TRIM66: variants seen among roughly 807,000 people sequenced by gnomAD.
The protein encoded by TRIM66 is tripartite motif-containing protein 66.
TRIM66 carries 99 observed loss-of-function variants against 148.2 expected under a neutral mutation model. The observed-to-expected ratio is 0.67, with a 90% CI of 0.57 to 0.79. TRIM66 has a LOEUF of 0.79. Among genes scored for constraint, TRIM66 ranks in the 30% least tolerant of loss-of-function variants. The pLI, the probability that TRIM66 is intolerant of heterozygous loss-of-function variation, is 0.00. For synonymous variants in TRIM66, 616 were observed against 635.9 expected, an observed-to-expected ratio of 0.97 and a Z score of 0.47; for missense variants, 1,666 against 1,697.9, an observed-to-expected ratio of 0.98 and a Z score of 0.33.
chr11:8,624,709 T>C lies in TRIM66; in HGVS notation c.2826+4A>G, dbSNP rs1197726464. The C allele has an allele frequency of 6.7e-7, 1 of 1,500,848 alleles. No individual in the cohort carries two copies. The allele number at this position is 1,500,848 out of a possible 1,614,324, so 93.0% of individuals were successfully genotyped here. On this transcript the variant is annotated splice_donor_region_variant and intron_variant, in intron 16 of 24. Coordinates refer to ENST00000646038, the MANE Select transcript of TRIM66 (RefSeq NM_001388022.1). ...AGTTTGGATAGCATTTCCCCAGGAC[T>C]TACCTTACACAGAGCATTCTCCAGG...
At position 8,623,974 on chromosome 11, in the gene TRIM66, G is replaced by T. The variant is rs186485918; in HGVS notation, c.3019+385C>A. 5.3e-5 allele frequency among the ~76,000 whole-genome samples: 8 copies of T among 152,290 alleles called. No homozygotes were observed. The East Asian group carries it at 1.2e-3, about 22-fold the overall frequency. On this transcript the variant is annotated intron_variant, in intron 17 of 24. Transcript: ENST00000646038. ...TTAGGTATCTTACCCGGGATCACAG[G>T]GAGAGAGAACTGGTTTACCAAATTC...
intron 1 of TRIM66, among the ~76,000 whole-genome samples, chr11:8,682,130 TAAGTCCCTG>T (rs2039463172): frequency 6.6e-6 from 1 of 152,214 alleles, no homozygotes; most frequent in East Asian, 1.9e-4. Flanking sequence ...ACCAGGCATC[TAAGTCCCTG>T]AAGCAATTTA....
chr11:8,675,163 C>A (rs1050114604), intron 3 of TRIM66, among the ~76,000 whole-genome samples: 5 of 152,200 alleles, frequency 3.3e-5, no homozygotes, highest in Non-Finnish European at 7.3e-5. Flanking sequence ...CATTTCATTA[C>A]ACAATAACAA....
chr11:8,679,226 C>T (rs1433366818), intron 3 of TRIM66: 1 of 152,210 alleles, frequency 6.6e-6, no homozygotes, highest in Admixed American at 6.5e-5. Context: ...AAAAGTGACA[C>T]ACACTGAACA....
chr11:8,665,240 C>T (rs1477405865), intron 6 of TRIM66, among the ~76,000 whole-genome samples: 1 of 152,188 alleles, frequency 6.6e-6, no homozygotes, highest in African/African-American at 2.4e-5. Flanking sequence ...CATGGCTTCT[C>T]AAACTACAGA....
intron 7 of TRIM66, 43 bp from the exon 8 acceptor site, chr11:8,649,930 T>A: frequency 6.5e-7 from 1 of 1,533,946 alleles, no homozygotes; most frequent in South Asian, 1.2e-5. Flanking sequence ...TATCCTCATT[T>A]GTGTCTGCCT....
chr11:8,643,526 T>C (rs2036585844), intron 12 of TRIM66, among the ~76,000 whole-genome samples: 1 of 152,068 alleles, frequency 6.6e-6, no homozygotes, highest in South Asian at 2.1e-4. Flanking sequence ...TTTTGTTTAG[T>C]AGAGACGGGG....
intron 13 of TRIM66, 144 bp from the exon 14 acceptor site, chr11:8,641,296 A>C (rs2036368615): frequency 2.6e-6 from 2 of 764,582 alleles, no homozygotes; most frequent in Non-Finnish European, 4.1e-6. Context: ...GATCTCCTAG[A>C]CTCGGTCTAG....
upstream of TRIM66, chr11:8,682,905 A>G: frequency 6.9e-7 from 1 of 1,457,322 alleles, no homozygotes; most frequent in Non-Finnish European, 9.3e-7. Flanking sequence ...ACTCCCTACC[A>G]TGGTCGGGGC....
Position 8,638,667 on chromosome 11 carries a change from T to C in TRIM66, c.2297A>G (p.Asn766Ser). 1.0e-5 allele frequency: 16 copies of C among 1,548,314 alleles called. No homozygotes were observed. The highest frequency in any genetic ancestry group is 1.4e-5 in the Non-Finnish European group (16 of 1,145,966). Residue 766 changes from asparagine (N) to serine (S), a missense_variant, in exon 15 of 25, where the codon AAT becomes AGT. Physicochemically the swap from Asn to Ser is conservative, Grantham distance 46. Around this residue, in one of 3 missense-constraint regions of TRIM66, gnomAD observed 1,431 missense variants for 1,412.4 expected, o/e 1.01. Coordinates refer to ENST00000646038, the MANE Select transcript of TRIM66 (RefSeq NM_001388022.1). ...CTCCTTCAGTACCTTTCTCACCACATTTGGAGAGGAGTGCTGGATGGTGCT... is the reference window on the plus strand; with the variant it reads ...CTCCTTCAGTACCTTTCTCACCACACTTGGAGAGGAGTGCTGGATGGTGCT... ...VDSTIQHSSPNVVRKHSTSLS... is the reference protein window; with the variant it reads ...VDSTIQHSSPSVVRKHSTSLS...
At position 8,617,257 on chromosome 11, in the gene TRIM66, C is replaced by T. The variant is rs1282344834; in HGVS notation, c.*687G>A. On this transcript the variant is annotated 3_prime_UTR_variant, in exon 25 of 25. Transcript: ENST00000646038. Reference sequence around the variant, plus strand: ...TTTAAGTGGTCTCTCCACAGCCACCCAGCTCAGTCAAGAATGTCACACCAT... The same window carrying T: ...TTTAAGTGGTCTCTCCACAGCCACCTAGCTCAGTCAAGAATGTCACACCAT... 1 of 152,590 alleles carries T rather than the reference C, an allele frequency of 6.6e-6. No individual in the cohort carries two copies. Among genetic ancestry groups the T allele is most frequent in the Non-Finnish European group, 1.5e-5 (1 of 68,132 alleles). 9.5% of individuals were successfully genotyped at this position (152,590 alleles called of 1,614,324 possible). A position where few individuals can be genotyped will look rare whatever the true frequency, so the allele number is the denominator to read the frequency against.
In TRIM66 at chr11:8,620,075, G is replaced by A. The variant is rs1406593431; in HGVS notation, c.3722C>T (p.Pro1241Leu). ...CAGGGGGCTGACAGGTTCATGGAAG[G>A]GCAGGCTGAGGTTATTGCAGCACAA... is the stretch of plus-strand genomic sequence containing the variant. ...LSLCCNNLSL[P>L]FHEPVSPLAR... Residue 1241 changes from proline to leucine, a missense_variant, in exon 22 of 25, where the codon CCC becomes CTC. Coordinates refer to ENST00000646038, the MANE Select transcript of TRIM66 (RefSeq NM_001388022.1). 2 of 1,551,722 alleles carry A rather than the reference G, an allele frequency of 1.3e-6. No homozygotes were observed. The highest frequency in any genetic ancestry group is 1.2e-5 in the South Asian group (1 of 84,056).
At position 8,620,488 on chromosome 11, in the gene TRIM66, A is replaced by G. The variant is rs2034101757; in HGVS notation, c.3630T>C (p.Pro1210=). 5.8e-6 allele frequency: 9 copies of G among 1,551,642 alleles called. No homozygotes were observed. In the South Asian group the frequency reaches 9.5e-5, roughly 16 times the overall value. Reference sequence around the variant, plus strand: ...TTAGGCCAGGAGATGCCCGCATTCCAGGCTGGTTATAGCAGGCATTCTCAC... The same window carrying G: ...TTAGGCCAGGAGATGCCCGCATTCCGGGCTGGTTATAGCAGGCATTCTCAC... ...YDCENACYNQ[P]GMRASPGLSM... The change falls in exon 21 of 25, where the codon CCT becomes CCC. Residue 1210 remains proline, a synonymous_variant. Coordinates refer to ENST00000646038, the MANE Select transcript of TRIM66 (RefSeq NM_001388022.1).
rs1451710404 is a variant in TRIM66, at chr11:8,617,968, C to G, written c.4155G>C (p.Leu1385=). The G allele has an allele frequency of 6.4e-7, 1 of 1,551,620 alleles. No individual in the cohort carries two copies. The highest frequency in any genetic ancestry group is 8.7e-7 in the Non-Finnish European group (1 of 1,146,972). ...CTCACACCTGAGAGATGCTGTTGGCCAGGCGAAATGACATTCTTTTTGCTC... is the reference window on the plus strand; with the variant it reads ...CTCACACCTGAGAGATGCTGTTGGCGAGGCGAAATGACATTCTTTTTGCTC... ...NERAKRMSFR[L]ANSISQV The change falls in exon 25 of 25, where the codon CTG becomes CTC. Residue 1385 remains leucine (L), a synonymous_variant. Coordinates refer to ENST00000646038, the MANE Select transcript of TRIM66 (RefSeq NM_001388022.1).
chr11:8,678,141 T>A (rs1162846337), intron 3 of TRIM66: 1 of 152,186 alleles, frequency 6.6e-6, no homozygotes, highest in Non-Finnish European at 1.5e-5. Flanking sequence ...TACCATATAA[T>A]CCAGCAGTCT....
intron 6 of TRIM66, among the ~76,000 whole-genome samples, chr11:8,654,844 TTC>T (rs2037672610): frequency 6.6e-6 from 1 of 152,220 alleles, no homozygotes; most frequent in South Asian, 2.1e-4. Context: ...AGGACTGCAT[TTC>T]TGTTTTGTTT....
At chr11:8,621,952 AT>A in intron 18 of TRIM66, 133 bp from the exon 19 acceptor site, 1 of 960,390 alleles carries the variant, frequency 1.0e-6, no homozygotes, top group Non-Finnish European at 1.5e-6. Flanking sequence ...GATACAAAGT[AT>A]TTATCCTGGG....
intron 15 of TRIM66, among the ~76,000 whole-genome samples, chr11:8,629,628 A>G (rs1245745216): frequency 6.6e-6 from 1 of 152,170 alleles, no homozygotes; most frequent in Non-Finnish European, 1.5e-5. Flanking sequence ...GATAGGGGAG[A>G]GGAAGACATG....
At chr11:8,655,769 G>A (rs1188756374) in intron 6 of TRIM66, among the ~76,000 whole-genome samples, 1 of 151,968 alleles carries the variant, frequency 6.6e-6, no homozygotes, top group Admixed American at 6.6e-5. Context: ...CCAACAGAGT[G>A]AGACTCTGTC....
Sources: allele counts gnomAD v4.1 joint callset (sites outside exome capture counted in the v4.1 genomes callset), GRCh38; gene constraint gnomAD v4.1.1; regional missense constraint gnomAD v4.1.1; transcripts MANE v1.5; gene names NCBI Gene and HGNC (gene_info 2026-07-23, HGNC 2026-07-21).